CGNL1: variants seen among roughly 807,000 people sequenced by gnomAD.
The protein encoded by CGNL1 is cingulin-like protein 1.
CGNL1 carries 132 observed loss-of-function variants against 141.2 expected under a neutral mutation model. That is an observed-to-expected ratio of 0.93 (90% CI 0.81 to 1.08). The LOEUF is 1.08. CGNL1 is among the 50% of genes least tolerant of loss of function. The pLI is 0.00. For missense variants in CGNL1, 1,870 were observed against 1,588.6 expected (o/e 1.18, Z -3.01); for synonymous variants, 690 against 622.1 (o/e 1.11, Z -1.63).
chr15:57,471,629 C>T (rs906965311), intron 8 of CGNL1, among the ~76,000 whole-genome samples: 1 of 152,166 alleles, frequency 6.6e-6, no homozygotes, highest in Non-Finnish European at 1.5e-5. Context: ...TATGCCTAGC[C>T]TTCTGGGGGG....
At chr15:57,486,474 A>G (rs1003459514) in intron 8 of CGNL1, among the ~76,000 whole-genome samples, 1 of 152,150 alleles carries the variant, frequency 6.6e-6, no homozygotes, top group Admixed American at 6.5e-5. Flanking sequence ...CTTATCACCA[A>G]ATCTGGTCCA....
chr15:57,405,131 T>C (rs1567096156), intron 1 of CGNL1: 1 of 152,162 alleles, frequency 6.6e-6, no homozygotes. Context: ...GACATGCTAA[T>C]CTCTATTGTT....
intron 8 of CGNL1, among the ~76,000 whole-genome samples, chr15:57,470,642 A>G (rs1595738705): frequency 6.6e-6 from 1 of 152,202 alleles, no homozygotes; most frequent in East Asian, 1.9e-4. Context: ...ATGCGGATTC[A>G]TTTGCCATCA....
At position 57,438,652 on chromosome 15, in the gene CGNL1, T is replaced by C. The variant is rs150358557; in HGVS notation, c.653T>C (p.Leu218Ser). Residue 218 changes from leucine to serine, a missense_variant, in exon 2 of 19, where the codon TTA becomes TCA. Coordinates refer to ENST00000281282, the MANE Select transcript of CGNL1 (RefSeq NM_032866.5). The stretch of plus-strand genomic sequence containing the variant: ...AAATCTGGTGTGACAGCTATTCGTT[T>C]ATGCAGCTCCGTGGTCATAGAGGAC... The part of the protein sequence containing the change: ...PAKSGVTAIR[L>S]CSSVVIEDPK... The C allele has an allele frequency of 6.2e-7, 1 of 1,614,184 alleles. No homozygotes were observed. Among genetic ancestry groups the C allele is most frequent in the African/African-American group, 1.3e-5 (1 of 75,042 alleles).
chr15:57,467,092 G>T (rs577957220), intron 8 of CGNL1, among the ~76,000 whole-genome samples: 5 of 152,284 alleles, frequency 3.3e-5, no homozygotes, highest in Non-Finnish European at 7.4e-5. Flanking sequence ...CTTACAAACT[G>T]ATTTACTGAG....
chr15:57,405,368 T>A (rs1466806702), intron 1 of CGNL1, among the ~76,000 whole-genome samples: 1 of 152,232 alleles, frequency 6.6e-6, no homozygotes, highest in Non-Finnish European at 1.5e-5. Context: ...CTCCCATCAC[T>A]CTGGCATTGA....
chr15:57,490,718 G>A (rs997406578), intron 8 of CGNL1, among the ~76,000 whole-genome samples: 1 of 152,160 alleles, frequency 6.6e-6, no homozygotes, highest in Non-Finnish European at 1.5e-5. Context: ...ATTCCTTCCA[G>A]AGTGTACAGG....
chr15:57,410,538 CCT>C (rs1303618296), intron 1 of CGNL1, among the ~76,000 whole-genome samples: 8 of 152,150 alleles, frequency 5.3e-5, no homozygotes, highest in African/African-American at 1.9e-4. Flanking sequence ...CCCATCACCA[CCT>C]CTCTCTTTCT....
At chr15:57,486,564 C>T (rs1260101422) in intron 8 of CGNL1, among the ~76,000 whole-genome samples, 1 of 152,212 alleles carries the variant, frequency 6.6e-6, no homozygotes, top group African/African-American at 2.4e-5. Flanking sequence ...AGTCCCTCCT[C>T]ACAGCTGTGG....
chr15:57,468,942 C>T (rs1369473246), intron 8 of CGNL1, among the ~76,000 whole-genome samples: 1 of 152,210 alleles, frequency 6.6e-6, no homozygotes, highest in Non-Finnish European at 1.5e-5. Context: ...GACTTTTCCT[C>T]CTCGCCTTCC....
chr15:57,519,075 A>T (rs892147638), intron 10 of CGNL1, among the ~76,000 whole-genome samples: 7 of 152,240 alleles, frequency 4.6e-5, no homozygotes, highest in African/African-American at 1.7e-4. Context: ...AGCTATCGCT[A>T]TTCAAAATCA....
At chr15:57,394,056 G>A (rs2921427) in intron 1 of CGNL1, 132,923 of 142,338 alleles carry the variant, frequency 0.93, 62,383 homozygotes, top group East Asian at 1. Flanking sequence ...AACCTCCCGA[G>A]TAGCTAGGAC....
At chr15:57,499,372 G>A (rs1027812074) in intron 8 of CGNL1, among the ~76,000 whole-genome samples, 18 of 151,424 alleles carry the variant, frequency 1.2e-4, no homozygotes, top group African/African-American at 4.1e-4. Context: ...TGAGTAGCTG[G>A]GATTACATGC....
chr15:57,442,745 A>G (rs140135464), intron 4 of CGNL1, among the ~76,000 whole-genome samples: 6,857 of 152,070 alleles, frequency 0.045, 524 homozygotes, highest in African/African-American at 0.16. Flanking sequence ...CAGCCTCCCA[A>G]GCAGCTGGAA....
At chr15:57,416,085 C>A (rs16977483) in intron 1 of CGNL1, among the ~76,000 whole-genome samples, 42 of 151,996 alleles carry the variant, frequency 2.8e-4, no homozygotes, top group African/African-American at 1.2e-4. Flanking sequence ...AGTTTTGAGG[C>A]CTTCTAGTTC....
rs774946602 is a variant in CGNL1 at position 57,439,502 on chromosome 15, C to T, written c.1503C>T (p.Thr501=). 1.2e-6 allele frequency: 2 copies of T among 1,614,192 alleles called. No homozygotes were observed. The highest frequency in any genetic ancestry group is 3.3e-5 in the Admixed American group (2 of 60,028). ...SKKEEEVKTA[T]ATLMLQNRAT... is the part of the protein sequence containing the mutation. The stretch of plus-strand genomic sequence containing the variant: ...AGGAGGAGGAGGTGAAAACAGCCAC[C>T]GCTACGCTGATGTTACAGAACCGGG... Residue 501 remains threonine (T), a synonymous_variant, in exon 2 of 19, where the codon ACC becomes ACT. Coordinates refer to ENST00000281282, the MANE Select transcript of CGNL1 (RefSeq NM_032866.5).
intron 8 of CGNL1, among the ~76,000 whole-genome samples, chr15:57,472,222 G>C (rs1345173700): frequency 6.6e-6 from 1 of 152,064 alleles, no homozygotes; most frequent in Non-Finnish European, 1.5e-5. Context: ...TCCAGAGACT[G>C]GTCCAAGCAG....
At position 57,544,612 on chromosome 15, in the gene CGNL1, C is replaced by G; in HGVS notation, c.3500+15C>G. 6.4e-7 allele frequency: 1 copy of G among 1,564,692 alleles called. No homozygotes were observed. Among genetic ancestry groups the G allele is most frequent in the Non-Finnish European group, 8.7e-7 (1 of 1,154,118 alleles). On this transcript the variant is annotated intron_variant, in intron 16 of 18. Transcript: ENST00000281282. Reference sequence around the variant, plus strand: ...AGTGAGGAGAGGTGAGCCGGGCCCACCCACTGCAGTGCGGAGGCCCCAGTG... The same window carrying G: ...AGTGAGGAGAGGTGAGCCGGGCCCAGCCACTGCAGTGCGGAGGCCCCAGTG...
chr15:57,391,982 T>A (rs34017436), intron 1 of CGNL1, among the ~76,000 whole-genome samples: 1 of 146,956 alleles, frequency 6.8e-6, no homozygotes, highest in Non-Finnish European at 1.5e-5. Context: ...TTCCCCCCCC[T>A]CACCTGACAC....
Sources: allele counts gnomAD v4.1 joint callset (sites outside exome capture counted in the v4.1 genomes callset), GRCh38; gene constraint gnomAD v4.1.1; transcripts MANE v1.5; gene names NCBI Gene and HGNC (gene_info 2026-07-23, HGNC 2026-07-21).